The following SLC12A7 variants were observed in gnomAD, a reference collection of about 807,000 sequenced individuals.
SLC12A7 encodes the protein solute carrier family 12 member 7, also known as K-Cl cotransporter 4.
In SLC12A7, 100 loss-of-function variants were observed where a neutral mutation model predicts 120.6. The ratio of observed to expected loss-of-function variants is 0.83; its 90% CI spans 0.71 to 0.98. SLC12A7 has a LOEUF of 0.98. Ranked by LOEUF, SLC12A7 falls within the 50% of genes least tolerant of loss-of-function variation. SLC12A7 has a pLI of 0.00. For synonymous variants in SLC12A7, 760 were observed against 678.0 expected (o/e 1.12, Z -1.88); for missense variants, 1,373 against 1,548.1 (o/e 0.89, Z 1.90).
chr5:1,082,845 T>C lies in SLC12A7; in HGVS notation c.1129+900A>G, dbSNP rs368114828. ...TTCCCGTCTTGGGTTCTGGAAAGCC[T>C]GGGCTTCCCGTCTCGGGTTCTGGAA... On this transcript the variant is annotated intron_variant, in intron 8 of 23. Coordinates refer to ENST00000264930, the MANE Select transcript of SLC12A7 (RefSeq NM_006598.3). Among the ~76,000 whole-genome samples, 145 of 136,630 alleles carry C rather than the reference T, an allele frequency of 1.1e-3. 1 individual carries two copies. The highest frequency in any genetic ancestry group is 3.2e-3 in the African/African-American group (114 of 35,988). The allele number at this position is 136,630 out of a possible 152,430, so 89.6% of individuals were successfully genotyped here. A position where few individuals can be genotyped will look rare whatever the true frequency, so the allele number is the denominator to read the frequency against.
the SLC12A7 span, among the ~76,000 whole-genome samples, chr5:1,152,085 C>T: frequency 6.6e-6 from 1 of 152,172 alleles, no homozygotes. Flanking sequence ...GGCCAGGGGG[C>T]TCTGCCATTG....
chr5:1,085,210 G>A (rs373405283), intron 7 of SLC12A7, 22 bp downstream of exon 7: 36 of 1,610,164 alleles, frequency 2.2e-5, no homozygotes, highest in Non-Finnish European at 3.0e-5. Context: ...CCCACCCACG[G>A]CTCAGAGGCC....
intron 17 of SLC12A7, among the ~76,000 whole-genome samples, chr5:1,068,000 G>A (rs2150811339): frequency 6.6e-6 from 1 of 152,336 alleles, no homozygotes. Context: ...TACGAGCGGG[G>A]AGCAAGAACA....
intron 9 of SLC12A7, 70 bp from the exon 10 acceptor site, chr5:1,079,566 A>G (rs2150842163): frequency 7.6e-7 from 1 of 1,320,880 alleles, no homozygotes; most frequent in Non-Finnish European, 1.1e-6. Context: ...GCCCCTGCCC[A>G]GAAAGCTGGA....
chr5:1,059,398 GC>G (rs1308137281), intron 21 of SLC12A7, among the ~76,000 whole-genome samples: 1 of 152,196 alleles, frequency 6.6e-6, no homozygotes, highest in African/African-American at 2.4e-5. Context: ...AGGCCCCAGG[GC>G]AGGCAAATCC....
the SLC12A7 span, among the ~76,000 whole-genome samples, chr5:1,153,406 C>A: frequency 7.2e-5 from 11 of 152,256 alleles, no homozygotes; most frequent in Non-Finnish European, 1.3e-4. Context: ...TGAGTTCAGA[C>A]CTTCACCTGC....
At chr5:1,092,485 C>T (rs1292425818) in intron 3 of SLC12A7, among the ~76,000 whole-genome samples, 3 of 152,216 alleles carry the variant, frequency 2.0e-5, no homozygotes, top group East Asian at 3.9e-4. Flanking sequence ...CACTACAAAA[C>T]CCTCCCTTCT....
intron 20 of SLC12A7, 149 bp from the exon 21 acceptor site, chr5:1,060,600 C>G (rs1396461316): frequency 1.6e-6 from 1 of 635,116 alleles, no homozygotes; most frequent in African/African-American, 1.8e-5. Flanking sequence ...GGCTCTCAGG[C>G]CCCCCGCCCA....
In SLC12A7 at chr5:1,069,828, A is replaced by C. The variant is rs561419098; in HGVS notation, c.2241+3805T>G. 1.8e-4 allele frequency among the ~76,000 whole-genome samples: 28 copies of C among 152,256 alleles called. 1 individual carries two copies. In the South Asian group the frequency reaches 5.6e-3, roughly 30 times the overall value. On this transcript the variant is annotated intron_variant, in intron 17 of 23. Coordinates refer to ENST00000264930, the MANE Select transcript of SLC12A7 (RefSeq NM_006598.3). Reference sequence around the variant, plus strand: ...CATAAGAAGTTTGAAAATCAGAGAAATGAAGACACAAAGTCTCAGACCCCG... The same window carrying C: ...CATAAGAAGTTTGAAAATCAGAGAACTGAAGACACAAAGTCTCAGACCCCG...
At position 1,102,134 on chromosome 5, in the gene SLC12A7, C is replaced by A. The variant is rs190440398; in HGVS notation, c.125-7886G>T. ...GTCCAACCAGGCTGTGTCCCCACCC[C>A]GAGAGGGAAGGAGGCGGCTGCAGGT... On this transcript the variant is annotated intron_variant, in intron 1 of 23. Transcript: ENST00000264930. Among the ~76,000 whole-genome samples the A allele has an allele frequency of 2.3e-3, 352 of 152,340 alleles. 3 individuals are homozygous for A. The highest frequency in any genetic ancestry group is 8.1e-3 in the African/African-American group (338 of 41,582).
chr5:1,137,484 C>T, the SLC12A7 span, among the ~76,000 whole-genome samples: 1 of 152,198 alleles, frequency 6.6e-6, no homozygotes, highest in Non-Finnish European at 1.5e-5. Context: ...GCTAGAAGAC[C>T]ACCTTCAGCT....
At chr5:1,079,725 G>C (rs1738793444) in intron 9 of SLC12A7, among the ~76,000 whole-genome samples, 1 of 152,172 alleles carries the variant, frequency 6.6e-6, no homozygotes, top group Non-Finnish European at 1.5e-5. Context: ...CTGGATCCGA[G>C]GACGAGAACC....
At chr5:1,136,902 C>G in the SLC12A7 span, among the ~76,000 whole-genome samples, 53 of 151,660 alleles carry the variant, frequency 3.5e-4, no homozygotes, top group African/African-American at 1.3e-3. Context: ...CACGCAGGCA[C>G]ACATGTGCTC....
At chr5:1,099,301 G>A (rs1441690699) in intron 1 of SLC12A7, among the ~76,000 whole-genome samples, 1 of 151,968 alleles carries the variant, frequency 6.6e-6, no homozygotes, top group African/African-American at 2.4e-5. Context: ...CACCTCCTCC[G>A]GTGGACGGCA....
At chr5:1,057,177 G>A (rs141087267) in intron 22 of SLC12A7, 8 of 370,802 alleles carry the variant, frequency 2.2e-5, no homozygotes, top group African/African-American at 8.3e-5. Flanking sequence ...ACCCCTCAGC[G>A]CTTGGCACTA....
chr5:1,140,073 G>A, the SLC12A7 span, among the ~76,000 whole-genome samples: 2 of 152,120 alleles, frequency 1.3e-5, no homozygotes, highest in African/African-American at 4.8e-5. Context: ...CTCCGAGGTC[G>A]GTGACCAGGC....
At chr5:1,103,894 CAG>C (rs1016672123) in intron 1 of SLC12A7, among the ~76,000 whole-genome samples, 42 of 152,256 alleles carry the variant, frequency 2.8e-4, no homozygotes, top group African/African-American at 9.9e-4. Flanking sequence ...CCTCAGCAGC[CAG>C]AGTGACGTCT....
Position 1,081,758 on chromosome 5 carries a change from A to G in SLC12A7, c.1130-14T>C. The G allele has an allele frequency of 6.2e-7, 1 of 1,606,244 alleles. No individual in the cohort carries two copies. Among genetic ancestry groups the G allele is most frequent in the Non-Finnish European group, 8.5e-7 (1 of 1,174,746 alleles). The stretch of plus-strand genomic sequence containing the variant: ...TCCACAGGTTCTCTGCCGGGCAAGG[A>G]AGATCCCATGGGTTTCTGGCACCTT... On this transcript the variant is annotated splice_polypyrimidine_tract_variant and intron_variant, in intron 8 of 23. Coordinates refer to ENST00000264930, the MANE Select transcript of SLC12A7 (RefSeq NM_006598.3).
intron 1 of SLC12A7, among the ~76,000 whole-genome samples, chr5:1,110,068 G>A (rs950980198): frequency 6.6e-6 from 1 of 152,174 alleles, no homozygotes; most frequent in Non-Finnish European, 1.5e-5. Flanking sequence ...ACTCCTCGCC[G>A]CACCTCTGTG....
Sources: allele counts gnomAD v4.1 joint callset (sites outside exome capture counted in the v4.1 genomes callset), GRCh38; gene constraint gnomAD v4.1.1; transcripts MANE v1.5; gene names NCBI Gene and HGNC (gene_info 2026-07-23, HGNC 2026-07-21).